Variants in HAO1 observed in about 807,000 individuals in gnomAD.
HAO1 encodes the protein 2-Hydroxyacid oxidase 1.
In HAO1, 34 loss-of-function variants were observed where a neutral mutation model predicts 39.7. That is an observed-to-expected ratio of 0.86 (90% confidence interval 0.65 to 1.14). The LOEUF is 1.14. HAO1 is among the 50% of genes most tolerant of loss of function. HAO1 has a pLI of 0.00. For synonymous variants in HAO1, 172 were observed against 173.2 expected (o/e 0.99, Z 0.05); for missense variants, 479 against 464.5 (o/e 1.03, Z -0.29).
intron 5 of HAO1, among the ~76,000 whole-genome samples, chr20:7,894,011 TC>T (rs1398954965): frequency 6.6e-6 from 1 of 151,776 alleles, no homozygotes; most frequent in East Asian, 1.9e-4. Context: ...GCAAAGAGGG[TC>T]CACATGGGGC....
Position 7,889,875 on chromosome 20 carries a change from G to A in HAO1, c.814-4011C>T, listed in dbSNP as rs370277700. On this transcript the variant is annotated intron_variant, in intron 5 of 7. Coordinates refer to ENST00000378789, the MANE Select transcript of HAO1 (RefSeq NM_017545.3). ...CTTACTCACCTAGCCCTTATCCCCTGAGAAAGGTGAGACAAGACTCCCATT... is the reference window on the plus strand; with the variant it reads ...CTTACTCACCTAGCCCTTATCCCCTAAGAAAGGTGAGACAAGACTCCCATT... 2.6e-5 allele frequency among the ~76,000 whole-genome samples: 4 copies of A among 152,104 alleles called. No homozygotes were observed. In the East Asian group the frequency reaches 7.7e-4, roughly 29 times the overall value.
chr20:7,906,024 A>G, intron 4 of HAO1, 130 bp downstream of exon 4: 1 of 717,566 alleles, frequency 1.4e-6, no homozygotes, highest in Non-Finnish European at 2.5e-6. Flanking sequence ...AAAACAGAGA[A>G]TTGAGAGTTG....
chr20:7,922,438 C>T (rs2050337879), intron 2 of HAO1, among the ~76,000 whole-genome samples: 1 of 152,026 alleles, frequency 6.6e-6, no homozygotes, highest in Non-Finnish European at 1.5e-5. Context: ...CTCAAGAGAC[C>T]CATTCCTCTT....
intron 2 of HAO1, among the ~76,000 whole-genome samples, chr20:7,914,638 T>C (rs1441278753): frequency 6.6e-6 from 1 of 152,222 alleles, no homozygotes; most frequent in Non-Finnish European, 1.5e-5. Context: ...TCAGTGTTTA[T>C]TTTCCAATGA....
At chr20:7,900,146 T>C (rs1402761812) in intron 4 of HAO1, among the ~76,000 whole-genome samples, 1 of 152,018 alleles carries the variant, frequency 6.6e-6, no homozygotes, top group Non-Finnish European at 1.5e-5. Context: ...TAAGCGCATA[T>C]TTTTTTAGAG....
At chr20:7,923,778 C>T (rs2050345817) in intron 2 of HAO1, among the ~76,000 whole-genome samples, 1 of 152,122 alleles carries the variant, frequency 6.6e-6, no homozygotes, top group Non-Finnish European at 1.5e-5. Flanking sequence ...GACCTAAGAT[C>T]TGCATTTCTA....
chr20:7,887,113 T>A (rs1046054038), intron 5 of HAO1, among the ~76,000 whole-genome samples: 1 of 152,182 alleles, frequency 6.6e-6, no homozygotes, highest in Non-Finnish European at 1.5e-5. Flanking sequence ...GATTGTTCAT[T>A]TTATAATGTC....
At chr20:7,927,985 G>A (rs896830065) in intron 2 of HAO1, among the ~76,000 whole-genome samples, 7 of 152,180 alleles carry the variant, frequency 4.6e-5, no homozygotes, top group African/African-American at 1.7e-4. Context: ...GGTAAAGATA[G>A]ATGAATAAAT....
chr20:7,894,233 T>C (rs1310924764), intron 5 of HAO1, among the ~76,000 whole-genome samples: 3 of 152,154 alleles, frequency 2.0e-5, no homozygotes, highest in Admixed American at 6.6e-5. Context: ...ACCCCCAGTC[T>C]CTGATCTTAA....
intron 2 of HAO1, among the ~76,000 whole-genome samples, chr20:7,925,171 T>C (rs1358202062): frequency 6.6e-6 from 1 of 152,228 alleles, no homozygotes; most frequent in Admixed American, 6.5e-5. Context: ...CTGAAGTCAG[T>C]GATCTAAAAG....
At chr20:7,936,550 G>GTGTGTGTT (rs1292549632) in intron 1 of HAO1, among the ~76,000 whole-genome samples, 296 of 141,078 alleles carry the variant, frequency 2.1e-3, no homozygotes, top group Middle Eastern at 7.2e-3. Context: ...GTGTGTGTTC[G>GTGTGTGTT]CGCGCGCGCG....
At chr20:7,913,723 G>T (rs1231482062) in intron 3 of HAO1, among the ~76,000 whole-genome samples, 2 of 152,178 alleles carry the variant, frequency 1.3e-5, no homozygotes, top group Non-Finnish European at 2.9e-5. Context: ...AGAAGAAGTA[G>T]ACAGTGAGGG....
intron 2 of HAO1, among the ~76,000 whole-genome samples, chr20:7,919,847 T>C (rs1001815404): frequency 3.3e-5 from 5 of 152,330 alleles, no homozygotes; most frequent in Admixed American, 2.0e-4. Context: ...TTGTTAATCT[T>C]CTCCACAGCC....
chr20:7,899,811 T>C (rs916858469), intron 4 of HAO1, among the ~76,000 whole-genome samples: 1 of 152,188 alleles, frequency 6.6e-6, no homozygotes, highest in Non-Finnish European at 1.5e-5. Flanking sequence ...TGTTCATGAA[T>C]CTTGGATATT....
intron 4 of HAO1, among the ~76,000 whole-genome samples, chr20:7,901,102 G>A (rs1568512023): frequency 6.6e-6 from 1 of 152,058 alleles, no homozygotes; most frequent in East Asian, 1.9e-4. Context: ...GGAAGCTGCA[G>A]AAAAAAAGTT....
chr20:7,895,269 A>G (rs1303383391), intron 4 of HAO1, 45 bp from the exon 5 acceptor site: 2 of 1,308,876 alleles, frequency 1.5e-6, no homozygotes, highest in Admixed American at 3.4e-5. Flanking sequence ...GTAACTTAAC[A>G]GGCAGCTTGG....
chr20:7,913,395 G>A (rs2050289787), intron 3 of HAO1, among the ~76,000 whole-genome samples: 2 of 152,034 alleles, frequency 1.3e-5, no homozygotes, highest in African/African-American at 4.8e-5. Context: ...AAATCCAAGA[G>A]CACATTTTGG....
At chr20:7,886,913 T>C (rs964163795) in intron 5 of HAO1, among the ~76,000 whole-genome samples, 1 of 152,166 alleles carries the variant, frequency 6.6e-6, no homozygotes, top group Non-Finnish European at 1.5e-5. Context: ...ATCCACCAGG[T>C]ATTGTTTCCC....
intron 5 of HAO1, among the ~76,000 whole-genome samples, chr20:7,893,240 G>C (rs144371981): frequency 1.3e-5 from 2 of 152,238 alleles, no homozygotes; most frequent in South Asian, 2.1e-4. Flanking sequence ...AAGAGATCTC[G>C]CCTAACTGAC....
Sources: allele counts gnomAD v4.1 joint callset (sites outside exome capture counted in the v4.1 genomes callset), GRCh38; gene constraint gnomAD v4.1.1; transcripts MANE v1.5; gene names NCBI Gene and HGNC (gene_info 2026-07-23, HGNC 2026-07-21).